TEAD1: variants seen among roughly 807,000 people sequenced by gnomAD.
TEAD1 encodes TEA domain transcription factor 1, also known as transcriptional enhancer factor TEF-1.
In TEAD1, 9 loss-of-function variants were observed where a neutral mutation model predicts 54.9. The observed-to-expected ratio is 0.16, with a 90% CI of 0.10 to 0.29. TEAD1 has a LOEUF of 0.29. Ranked by LOEUF, TEAD1 falls within the 10% of genes least tolerant of loss-of-function variation. TEAD1 has a pLI of 1.00. For synonymous variants in TEAD1, 200 were observed against 187.8 expected (o/e 1.07, Z -0.53); for missense variants, 387 against 535.9 (o/e 0.72, Z 2.74).
intron 2 of TEAD1, among the ~76,000 whole-genome samples, chr11:12,702,294 C>T (rs1204677283): frequency 2.0e-5 from 3 of 152,144 alleles, no homozygotes; most frequent in South Asian, 4.1e-4. Flanking sequence ...ATTGACCCTG[C>T]GTGTTACTAT....
chr11:12,907,803 TA>T (rs1405227735), intron 10 of TEAD1, among the ~76,000 whole-genome samples: 1 of 152,226 alleles, frequency 6.6e-6, no homozygotes, highest in African/African-American at 2.4e-5. Flanking sequence ...ATATTGCTAG[TA>T]AATGCCACAT....
intron 3 of TEAD1, among the ~76,000 whole-genome samples, chr11:12,802,489 C>A (rs932796929): frequency 6.6e-6 from 1 of 152,058 alleles, no homozygotes; most frequent in African/African-American, 2.4e-5. Flanking sequence ...CATGTTCCCC[C>A]CATCTCACCG....
chr11:12,877,905 C>T (rs552643017), intron 5 of TEAD1, among the ~76,000 whole-genome samples: 5 of 152,054 alleles, frequency 3.3e-5, no homozygotes, highest in African/African-American at 1.2e-4. Flanking sequence ...TCAAACAGTC[C>T]TCCCACCTCA....
intron 9 of TEAD1, among the ~76,000 whole-genome samples, chr11:12,890,173 G>A (rs569137416): frequency 6.0e-4 from 92 of 152,252 alleles, no homozygotes; most frequent in African/African-American, 2.1e-3. Context: ...CTCCAAAAAC[G>A]GTGACTGTGC....
At chr11:12,888,465 C>T (rs780345483) in intron 9 of TEAD1, among the ~76,000 whole-genome samples, 10 of 152,106 alleles carry the variant, frequency 6.6e-5, no homozygotes, top group African/African-American at 9.7e-5. Flanking sequence ...GCTGAGATCA[C>T]GCCACTGCAC....
chr11:12,840,368 G>A (rs1947008678), intron 3 of TEAD1, among the ~76,000 whole-genome samples: 1 of 152,004 alleles, frequency 6.6e-6, no homozygotes, highest in African/African-American at 2.4e-5. Context: ...TGTAAGGATG[G>A]GGAGTCAGAA....
chr11:12,710,149 A>C (rs1943904659), intron 2 of TEAD1, among the ~76,000 whole-genome samples: 1 of 152,058 alleles, frequency 6.6e-6, no homozygotes, highest in Non-Finnish European at 1.5e-5. Context: ...CAACATAGCA[A>C]GTCCTTGTCT....
chr11:12,805,225 A>AT (rs1324397172), intron 3 of TEAD1, among the ~76,000 whole-genome samples: 2 of 152,226 alleles, frequency 1.3e-5, no homozygotes, highest in Non-Finnish European at 2.9e-5. Context: ...TCTGCCTGCA[A>AT]GACACATGCT....
At chr11:12,726,609 C>T (rs1944319206) in intron 2 of TEAD1, among the ~76,000 whole-genome samples, 1 of 152,224 alleles carries the variant, frequency 6.6e-6, no homozygotes, top group Non-Finnish European at 1.5e-5. Context: ...TGGCTCATGT[C>T]TATAATTCCA....
intron 3 of TEAD1, among the ~76,000 whole-genome samples, chr11:12,840,263 G>GAAAAAAAAAAAAAAA (rs1564959349): frequency 2.3e-5 from 1 of 43,544 alleles, no homozygotes; most frequent in Non-Finnish European, 4.2e-5. Context: ...AAAAAAAAAA[G>GAAAAAAAAAAAAAAA]AAAAAAAAAA....
chr11:12,902,129 C>T lies in TEAD1; in HGVS notation c.873+16C>T, dbSNP rs769516859. 6.2e-7 allele frequency: 1 copy of T among 1,614,188 alleles called. No homozygotes were observed. Among genetic ancestry groups the T allele is most frequent in the Non-Finnish European group, 8.5e-7 (1 of 1,180,024 alleles). On this transcript the variant is annotated intron_variant, in intron 10 of 12. Transcript: ENST00000527636. ...AAAATTCTGGGTGAGTAAGACATTG[C>T]TGTGATTTCCGTGGTTTTTGTCTGA...
chr11:12,818,386 T>G (rs1368342710), intron 3 of TEAD1, among the ~76,000 whole-genome samples: 1 of 152,232 alleles, frequency 6.6e-6, no homozygotes, highest in Non-Finnish European at 1.5e-5. Flanking sequence ...AAAGTTCTCA[T>G]GTGGCTAGAT....
At chr11:12,739,222 GTCTA>G (rs71037086) in intron 2 of TEAD1, among the ~76,000 whole-genome samples, 199 of 115,082 alleles carry the variant, frequency 1.7e-3, no homozygotes, top group Middle Eastern at 4.5e-3. Context: ...CTATCTATCT[GTCTA>G]TCTATCTATC....
At chr11:12,846,840 G>A (rs1044878462) in intron 3 of TEAD1, among the ~76,000 whole-genome samples, 4 of 152,204 alleles carry the variant, frequency 2.6e-5, no homozygotes, top group Non-Finnish European at 5.9e-5. Context: ...AGTAAGAAGG[G>A]CTTTAAGCTT....
intron 9 of TEAD1, among the ~76,000 whole-genome samples, chr11:12,891,778 A>T (rs918067038): frequency 5.9e-5 from 9 of 152,214 alleles, no homozygotes; most frequent in Non-Finnish European, 1.5e-5. Context: ...CACTTACCCC[A>T]CTATCTGGGA....
chr11:12,829,232 T>C (rs1354885631), intron 3 of TEAD1, among the ~76,000 whole-genome samples: 1 of 152,180 alleles, frequency 6.6e-6, no homozygotes, highest in East Asian at 1.9e-4. Flanking sequence ...TACCATACCA[T>C]TGAATTCTCA....
At chr11:12,820,507 GA>G (rs1396338678) in intron 3 of TEAD1, among the ~76,000 whole-genome samples, 1 of 152,160 alleles carries the variant, frequency 6.6e-6, no homozygotes, top group African/African-American at 2.4e-5. Flanking sequence ...ACATGTCACG[GA>G]GCCTGTTTGA....
intron 3 of TEAD1, among the ~76,000 whole-genome samples, chr11:12,793,983 GCTAT>G (rs1466541878): frequency 6.6e-6 from 1 of 152,244 alleles, no homozygotes; most frequent in East Asian, 1.9e-4. Context: ...AATGGAAGCA[GCTAT>G]TTCATTCTTA....
intron 2 of TEAD1, among the ~76,000 whole-genome samples, chr11:12,758,405 GTTTT>G (rs1200374096): frequency 2.3e-5 from 2 of 85,728 alleles, no homozygotes; most frequent in Admixed American, 1.2e-4. Flanking sequence ...CGCCCAGCTA[GTTTT>G]TTTTTTTTTT....
Sources: gnomAD v4.1 joint callset for allele counts (sites outside exome capture counted in the v4.1 genomes callset) on GRCh38, gnomAD v4.1.1 for gene constraint, MANE v1.5 for transcripts, NCBI Gene and HGNC (gene_info 2026-07-23, HGNC 2026-07-21) for gene names.